Variants in DCTN2 observed in about 807,000 individuals in gnomAD.
The protein encoded by DCTN2 is 50 kDa dynein-associated polypeptide.
A neutral mutation model predicts 55.4 loss-of-function variants in DCTN2; 18 were observed. The ratio of observed to expected loss-of-function variants is 0.32; its 90% CI spans 0.22 to 0.48. The LOEUF (loss-of-function observed/expected upper bound fraction) is 0.48, where lower values mean the gene tolerates loss of function less well. Ranked by LOEUF, DCTN2 falls within the 20% of genes least tolerant of loss-of-function variation. The pLI, the probability that DCTN2 is intolerant of heterozygous loss-of-function variation, is 0.99. For missense variants in DCTN2, 390 were observed against 491.0 expected, an observed-to-expected ratio of 0.79 and a Z score of 1.94; for synonymous variants, 168 against 185.2, an observed-to-expected ratio of 0.91 and a Z score of 0.76.
chr12:57,534,338 G>A lies in DCTN2; in HGVS notation c.478C>T (p.Pro160Ser), dbSNP rs1402123530. 2 of 1,612,020 alleles carry A rather than the reference G, an allele frequency of 1.2e-6. No individual in the cohort carries two copies. Among genetic ancestry groups the A allele is most frequent in the Non-Finnish European group, 1.7e-6 (2 of 1,178,604 alleles). ...VASHLEKLLG[P>S]DAAINLTDPD... Reference sequence around the variant, plus strand: ...TCGGTAAGGTTGATTGCAGCATCTGGTCCCAGCAGCTTCTCCAGGTGGGAA... The same window carrying A: ...TCGGTAAGGTTGATTGCAGCATCTGATCCCAGCAGCTTCTCCAGGTGGGAA... The change falls in exon 6 of 14, where the codon CCA (proline) becomes TCA (serine). Residue 160 changes from proline to serine, a missense_variant. By Grantham distance (74) the Pro-to-Ser change is moderately conservative (BLOSUM62 -1). Transcript: ENST00000548249.
chr12:57,534,168 C>T, intron 6 of DCTN2, 71 bp from the exon 7 acceptor site: 1 of 1,530,506 alleles, frequency 6.5e-7, no homozygotes, highest in East Asian at 2.3e-5. Flanking sequence ...TCACTTTTGC[C>T]TCATAATCAG....
At position 57,534,366 on chromosome 12, in the gene DCTN2, A is replaced by T. The variant is rs199820843; in HGVS notation, c.450T>A (p.Val150=). 2.2e-4 allele frequency: 358 copies of T among 1,612,856 alleles called. No individual in the cohort carries two copies. The highest frequency in any genetic ancestry group is 2.9e-4 in the Non-Finnish European group (345 of 1,179,336). The change falls in exon 6 of 14, where the codon GTT becomes GTA. Residue 150 remains valine, a synonymous_variant. Transcript: ENST00000548249. ...KQLAALKQQL[V]ASHLEKLLGP... is the part of the protein sequence containing the mutation. The stretch of plus-strand genomic sequence containing the variant: ...CCAGCAGCTTCTCCAGGTGGGAAGC[A>T]ACCAGCTGCTGCTTCAGGGCTGCCA...
intron 2 of DCTN2, among the ~76,000 whole-genome samples, chr12:57,537,887 A>AG (rs1033358538): frequency 9.2e-5 from 14 of 152,174 alleles, no homozygotes; most frequent in African/African-American, 3.4e-4. Flanking sequence ...GCTCAGGCTA[A>AG]GGATAGACAA....
At chr12:57,536,158 G>A (rs917971029) in intron 2 of DCTN2, 11 of 329,436 alleles carry the variant, frequency 3.3e-5, no homozygotes, top group Middle Eastern at 8.4e-4. Context: ...TCTGGCACAC[G>A]CCATGCACTC....
At chr12:57,532,383 T>G in intron 11 of DCTN2, 68 bp from the exon 12 acceptor site, 3 of 1,416,610 alleles carry the variant, frequency 2.1e-6, no homozygotes, top group Non-Finnish European at 2.9e-6. Flanking sequence ...CAGACTGCTA[T>G]TTCACCGTAA....
chr12:57,546,536 C>A (rs902658827), intron 1 of DCTN2, among the ~76,000 whole-genome samples: 9 of 152,044 alleles, frequency 5.9e-5, no homozygotes, highest in Non-Finnish European at 5.9e-5. Flanking sequence ...AAGGTACACG[C>A]CAGGATTGTC....
chr12:57,541,225 A>G, intron 2 of DCTN2: 1 of 897,788 alleles, frequency 1.1e-6, no homozygotes, highest in Non-Finnish European at 1.7e-6. Context: ...ACATAAGGCC[A>G]GCAGGCCCCT....
In DCTN2 at chr12:57,533,313, G is replaced by A; in HGVS notation, c.670-10C>T. On this transcript the variant is annotated splice_polypyrimidine_tract_variant and intron_variant, in intron 7 of 13. Transcript: ENST00000548249. ...TTTCAAGTTCTGCGACCTAGTGGGA[G>A]GAAGGAGGTGAGATTTGCCATCTGC... 1 of 1,613,740 alleles carries A rather than the reference G, an allele frequency of 6.2e-7. No homozygotes were observed. Among genetic ancestry groups the A allele is most frequent in the South Asian group, 1.1e-5 (1 of 91,064 alleles).
chr12:57,541,493 C>T, intron 2 of DCTN2: 2 of 1,038,876 alleles, frequency 1.9e-6, no homozygotes. Context: ...ATCTTCTAAA[C>T]TGTAAGGAAG....
chr12:57,534,964 C>A, intron 5 of DCTN2, 92 bp downstream of exon 5: 1 of 1,160,528 alleles, frequency 8.6e-7, no homozygotes. Flanking sequence ...GCCACCGCAC[C>A]CAGCCAGGCA....
At chr12:57,544,567 A>C (rs1233084447) in intron 2 of DCTN2, among the ~76,000 whole-genome samples, 2 of 151,956 alleles carry the variant, frequency 1.3e-5, no homozygotes, top group African/African-American at 4.8e-5. Flanking sequence ...AGCGCTCGCC[A>C]CCACGCCTTG....
intron 5 of DCTN2, 86 bp from the exon 6 acceptor site, chr12:57,534,538 T>A: frequency 7.1e-7 from 1 of 1,417,342 alleles, no homozygotes; most frequent in East Asian, 2.3e-5. Context: ...AAGGTAGTTG[T>A]AGCTGGAGGT....
At chr12:57,545,747 C>A (rs1881096514) in intron 2 of DCTN2, among the ~76,000 whole-genome samples, 1 of 152,110 alleles carries the variant, frequency 6.6e-6, no homozygotes, top group African/African-American at 2.4e-5. Context: ...TAGCTCCAAA[C>A]CTGTTTTGAG....
intron 6 of DCTN2, 41 bp downstream of exon 6, chr12:57,534,250 AC>A: frequency 6.5e-7 from 1 of 1,545,932 alleles, no homozygotes; most frequent in Non-Finnish European, 8.8e-7. Flanking sequence ...TCCATCCACA[AC>A]CCCAGTCAGC....
At position 57,532,757 on chromosome 12, in the gene DCTN2, C is replaced by T. The variant is rs181473937; in HGVS notation, c.828G>A (p.Leu276=). 10 of 1,613,920 alleles carry T rather than the reference C, an allele frequency of 6.2e-6. No individual in the cohort carries two copies. The highest frequency in any genetic ancestry group is 8.5e-6 in the Non-Finnish European group (10 of 1,179,884). The change falls in exon 10 of 14, where the codon TTG becomes TTA. Residue 276 remains leucine (L), a synonymous_variant. Coordinates refer to ENST00000548249, the MANE Select transcript of DCTN2 (RefSeq NM_001261413.2). ...CCTGTAGCCGAGCCTCCACTTGATCCAAAACTGCAAGGTCTAGGGCGCTCA... is the reference window on the plus strand; with the variant it reads ...CCTGTAGCCGAGCCTCCACTTGATCTAAAACTGCAAGGTCTAGGGCGCTCA... The part of the protein sequence containing the change: ...AKVSALDLAV[L]DQVEARLQSV...
intron 12 of DCTN2, 52 bp downstream of exon 12, chr12:57,532,161 A>G: frequency 6.4e-7 from 1 of 1,552,202 alleles, no homozygotes; most frequent in Non-Finnish European, 8.7e-7. Flanking sequence ...AGGGGACCAA[A>G]AGTTGCCCAT....
chr12:57,546,953 G>T, intron 1 of DCTN2, 75 bp downstream of exon 1: 1 of 1,178,908 alleles, frequency 8.5e-7, no homozygotes. Context: ...GAGGGGTCGC[G>T]GGCTGGTTTC....
intron 7 of DCTN2, among the ~76,000 whole-genome samples, 156 bp downstream of exon 7, chr12:57,533,797 T>G (rs1325778826): frequency 2.7e-5 from 4 of 147,572 alleles, no homozygotes; most frequent in Non-Finnish European, 6.0e-5. Context: ...GAAAGAAACA[T>G]AGAGAACAAC....
intron 2 of DCTN2, among the ~76,000 whole-genome samples, chr12:57,544,562 T>C (rs1022129269): frequency 5.3e-5 from 8 of 151,820 alleles, no homozygotes; most frequent in Admixed American, 1.3e-4. Context: ...CTATAAGCGC[T>C]CGCCACCACG....
Sources: allele counts gnomAD v4.1 joint callset (sites outside exome capture counted in the v4.1 genomes callset), GRCh38; gene constraint gnomAD v4.1.1; transcripts MANE v1.5; gene names NCBI Gene and HGNC (gene_info 2026-07-23, HGNC 2026-07-21).